Variants in FAM162A observed in about 807,000 individuals in gnomAD.
The protein encoded by FAM162A is family with sequence similarity 162 member A.
Under a neutral mutation model 21.8 loss-of-function variants are expected in FAM162A, and 23 were observed. The ratio of observed to expected loss-of-function variants is 1.05; its 90% CI spans 0.76 to 1.49. FAM162A has a LOEUF of 1.49. Among genes scored for constraint, FAM162A ranks in the 40% most tolerant of loss-of-function variants. The pLI is 0.00. For missense variants in FAM162A, 165 were observed against 186.4 expected (o/e 0.89, Z 0.67); for synonymous variants, 53 against 61.3 (o/e 0.86, Z 0.64).
chr3:122,395,125 A>G (rs1206558914), intron 1 of FAM162A, among the ~76,000 whole-genome samples: 1 of 152,232 alleles, frequency 6.6e-6, no homozygotes, highest in African/African-American at 2.4e-5. Context: ...CCTCAACCTG[A>G]TAAAGGGCAT....
chr3:122,387,668 A>T (rs1420706867), intron 1 of FAM162A, among the ~76,000 whole-genome samples: 2 of 152,164 alleles, frequency 1.3e-5, no homozygotes, highest in Non-Finnish European at 2.9e-5. Context: ...GGCTTTACTT[A>T]TTGCTCCTTT....
At chr3:122,390,173 A>T (rs1388381047) in intron 1 of FAM162A, among the ~76,000 whole-genome samples, 1 of 152,156 alleles carries the variant, frequency 6.6e-6, no homozygotes, top group Admixed American at 6.5e-5. Flanking sequence ...GATTTTAAAG[A>T]TGGGGGAGAT....
At chr3:122,406,997 A>AT (rs11459889) in intron 3 of FAM162A, among the ~76,000 whole-genome samples, 30,928 of 146,006 alleles carry the variant, frequency 0.21, 3,579 homozygotes, top group African/African-American at 0.32. Context: ...TGCCTTGCCC[A>AT]TTTTTTTTTT....
chr3:122,392,828 C>T (rs949030093), intron 1 of FAM162A, among the ~76,000 whole-genome samples: 2 of 152,104 alleles, frequency 1.3e-5, no homozygotes, highest in Non-Finnish European at 2.9e-5. Context: ...TGTCAGAAAT[C>T]CTGACCACAT....
At chr3:122,384,384 G>A (rs1233609105) in intron 1 of FAM162A, 85 bp downstream of exon 1, 8 of 1,465,970 alleles carry the variant, frequency 5.5e-6, no homozygotes, top group African/African-American at 1.4e-5. Context: ...CCTGGGCCCC[G>A]GAGTGGCTCC....
chr3:122,389,168 G>A (rs1464064326), intron 1 of FAM162A, among the ~76,000 whole-genome samples: 1 of 152,172 alleles, frequency 6.6e-6, no homozygotes, highest in African/African-American at 2.4e-5. Flanking sequence ...GTGGTGAAGT[G>A]AAGTAGTAGA....
chr3:122,405,775 C>T (rs1016646238), intron 3 of FAM162A, among the ~76,000 whole-genome samples: 1 of 152,204 alleles, frequency 6.6e-6, no homozygotes, highest in Non-Finnish European at 1.5e-5. Context: ...ATTCCTATTA[C>T]TCCCTATGGA....
chr3:122,399,410 G>A (rs937766301), intron 1 of FAM162A, among the ~76,000 whole-genome samples: 12 of 152,064 alleles, frequency 7.9e-5, no homozygotes, highest in East Asian at 7.7e-4. Context: ...TGCGACCTTC[G>A]GCTCCGGGGT....
intron 2 of FAM162A, 93 bp from the exon 3 acceptor site, chr3:122,404,165 C>T (rs1455986049): frequency 2.2e-6 from 1 of 455,022 alleles, no homozygotes; most frequent in Non-Finnish European, 4.0e-6. Flanking sequence ...TGTTTAGTGA[C>T]TAGTTAAAAA....
intron 1 of FAM162A, among the ~76,000 whole-genome samples, chr3:122,398,256 C>T (rs980619542): frequency 6.6e-6 from 1 of 151,788 alleles, no homozygotes; most frequent in Non-Finnish European, 1.5e-5. Flanking sequence ...TTTTGCAATC[C>T]CTAATGAAAT....
At chr3:122,392,643 C>T (rs1300795727) in intron 1 of FAM162A, among the ~76,000 whole-genome samples, 3 of 152,198 alleles carry the variant, frequency 2.0e-5, no homozygotes, top group African/African-American at 7.2e-5. Flanking sequence ...TGGAGGTAGA[C>T]AGCCTCATGA....
At chr3:122,407,596 G>A (rs1054884813) in intron 4 of FAM162A, 7 of 506,058 alleles carry the variant, frequency 1.4e-5, no homozygotes, top group African/African-American at 1.1e-4. Context: ...TAACTTTGGC[G>A]TGGTGAAGAA....
At chr3:122,409,206 TCA>T (rs1263057952) in intron 4 of FAM162A, among the ~76,000 whole-genome samples, 3 of 152,032 alleles carry the variant, frequency 2.0e-5, no homozygotes, top group Non-Finnish European at 2.9e-5. Context: ...CCTCCCCCAC[TCA>T]AAGGTTGGAA....
chr3:122,403,957 C>A (rs1306680525), intron 2 of FAM162A, among the ~76,000 whole-genome samples: 5 of 152,222 alleles, frequency 3.3e-5, no homozygotes, highest in Non-Finnish European at 7.3e-5. Context: ...AGTTCCCAAT[C>A]AAGTCTAAAC....
rs1330694797 is a variant in FAM162A, at chr3:122,409,928, A to C, written c.*97A>C. 9.3e-7 allele frequency: 1 copy of C among 1,074,560 alleles called. No individual in the cohort carries two copies. 66.6% of individuals were successfully genotyped at this position (1,074,560 alleles called of 1,614,324 possible). A position where few individuals can be genotyped will look rare whatever the true frequency, so the allele number is the denominator to read the frequency against. On this transcript the variant is annotated 3_prime_UTR_variant, in exon 5 of 5. Transcript: ENST00000477892. Reference sequence around the variant, plus strand: ...TGTGGTATGAGGATCCATTTCATAAAGTATGATTTGCCCAAACCTGTACCA... The same window carrying C: ...TGTGGTATGAGGATCCATTTCATAACGTATGATTTGCCCAAACCTGTACCA...
intron 3 of FAM162A, 104 bp from the exon 4 acceptor site, chr3:122,407,177 A>G: frequency 1.2e-6 from 1 of 833,928 alleles, no homozygotes; most frequent in Non-Finnish European, 1.9e-6. Context: ...ATTTATATTT[A>G]TAGACACTAC....
intron 1 of FAM162A, among the ~76,000 whole-genome samples, chr3:122,399,285 C>G (rs552428959): frequency 6.6e-6 from 1 of 151,932 alleles, no homozygotes; most frequent in Non-Finnish European, 1.5e-5. Context: ...TTTTTATGGC[C>G]GTGTAGTATT....
chr3:122,396,733 G>A (rs2075629517), intron 1 of FAM162A, among the ~76,000 whole-genome samples: 2 of 152,178 alleles, frequency 1.3e-5, no homozygotes, highest in African/African-American at 4.8e-5. Context: ...CCACCCAAAT[G>A]TCCATTAGTT....
At position 122,407,376 on chromosome 3, in the gene FAM162A, T is replaced by C; in HGVS notation, c.359T>C (p.Ile120Thr). Residue 120 changes from isoleucine (I) to threonine (T), a missense_variant, in exon 4 of 5, where the codon ATT becomes ACT. Ile to Thr is a moderately conservative substitution (Grantham distance 89). Transcript: ENST00000477892. ...GTGGTAGGATGCATCTTCATGGTTA[T>C]TGAGGGCAAGAAGGTGAGAAGGGGT... ...LTVVGCIFMV[I>T]EGKKAAQRHE... is the part of the protein sequence containing the mutation. 2.5e-6 allele frequency: 4 copies of C among 1,613,674 alleles called. 1 individual carries two copies. The highest frequency in any genetic ancestry group is 2.2e-5 in the South Asian group (2 of 91,058).
Sources: gnomAD v4.1 joint callset for allele counts (sites outside exome capture counted in the v4.1 genomes callset) on GRCh38, gnomAD v4.1.1 for gene constraint, MANE v1.5 for transcripts, NCBI Gene and HGNC (gene_info 2026-07-23, HGNC 2026-07-21) for gene names.